The following NPIPB2 variants were observed in gnomAD, a reference collection of about 807,000 sequenced individuals.
The protein encoded by NPIPB2 is nuclear pore complex-interacting protein family member B2.
A neutral mutation model predicts 30.8 loss-of-function variants in NPIPB2; 27 were observed. The ratio of observed to expected loss-of-function variants is 0.88; its 90% CI spans 0.65 to 1.21. NPIPB2 has a LOEUF of 1.21. Among genes scored for constraint, NPIPB2 ranks in the 50% most tolerant of loss-of-function variants. NPIPB2 has a pLI of 0.00. For missense variants in NPIPB2, 440 were observed against 446.2 expected (o/e 0.99, Z 0.13); for synonymous variants, 147 against 162.0 (o/e 0.91, Z 0.70).
intron 1 of NPIPB2, among the ~76,000 whole-genome samples, chr16:11,964,662 G>C: frequency 6.6e-6 from 1 of 152,176 alleles, no homozygotes; most frequent in Non-Finnish European, 1.5e-5. Context: ...TGATCCACCT[G>C]CCTCGGCCTC....
chr16:11,935,290 A>C (rs1298163872), intron 2 of NPIPB2, among the ~76,000 whole-genome samples: 3 of 152,094 alleles, frequency 2.0e-5, no homozygotes, highest in Non-Finnish European at 4.4e-5. Flanking sequence ...TGGGTCAGAT[A>C]CCTATGAATC....
upstream of NPIPB2, among the ~76,000 whole-genome samples, chr16:11,946,659 T>C (rs1483061268): frequency 6.6e-6 from 1 of 152,110 alleles, no homozygotes; most frequent in Non-Finnish European, 1.5e-5. Context: ...GGTGAGGCTA[T>C]GGAGAAACAG....
upstream of NPIPB2, among the ~76,000 whole-genome samples, chr16:11,946,858 T>C (rs2055015758): frequency 6.6e-6 from 1 of 151,832 alleles, no homozygotes; most frequent in African/African-American, 2.4e-5. Flanking sequence ...TAGCTGAGAT[T>C]ACAGGCGCCC....
chr16:11,933,969 A>G (rs758465392), intron 2 of NPIPB2, 45 bp from the exon 3 acceptor site: 1 of 1,446,142 alleles, frequency 6.9e-7, no homozygotes, highest in South Asian at 1.1e-5. Context: ...ACGGTGGTTC[A>G]TGCGTATAAT....
intron 1 of NPIPB2, among the ~76,000 whole-genome samples, chr16:11,960,596 T>A: frequency 6.6e-6 from 1 of 151,866 alleles, no homozygotes. Flanking sequence ...GACCTCAGGT[T>A]ATCCGCCCTC....
intron 4 of NPIPB2, 43 bp downstream of exon 4, chr16:11,933,474 C>T (rs1325133366): frequency 6.3e-7 from 1 of 1,595,842 alleles, no homozygotes; most frequent in Non-Finnish European, 8.5e-7. Flanking sequence ...CTTTGATTGG[C>T]ACATGGTTCA....
chr16:11,967,904 T>C, intron 1 of NPIPB2: 2 of 1,573,906 alleles, frequency 1.3e-6, no homozygotes, highest in Non-Finnish European at 1.7e-6. Flanking sequence ...GAATAGATGA[T>C]GTGTCAGATC....
chr16:11,961,850 A>G (rs147070333), intron 1 of NPIPB2, among the ~76,000 whole-genome samples: 1 of 152,094 alleles, frequency 6.6e-6, no homozygotes, highest in Non-Finnish European at 1.5e-5. Context: ...GATACAAATA[A>G]AATAGGTAGG....
intron 1 of NPIPB2, chr16:11,967,511 C>G: frequency 6.5e-7 from 1 of 1,542,994 alleles, no homozygotes; most frequent in Non-Finnish European, 8.8e-7. Context: ...ACTGCTAAGA[C>G]TCTCATGACC....
intron 1 of NPIPB2, among the ~76,000 whole-genome samples, chr16:11,958,414 C>T (rs533717996): frequency 4.6e-4 from 67 of 145,784 alleles, no homozygotes; most frequent in African/African-American, 1.5e-3. Context: ...GATGACAGAG[C>T]GAGACTCCGT....
At chr16:11,943,414 C>T (rs1236707527), upstream of NPIPB2, among the ~76,000 whole-genome samples, 1 of 150,652 alleles carries the variant, frequency 6.6e-6, no homozygotes, top group Non-Finnish European at 1.5e-5. Context: ...TGTTCCAGCC[C>T]TAGATTTGGC....
intron 1 of NPIPB2, chr16:11,967,611 A>G: frequency 6.2e-7 from 1 of 1,614,134 alleles, no homozygotes; most frequent in Non-Finnish European, 8.5e-7. Context: ...CCTGGAAAAG[A>G]GCAGGACTGG....
At chr16:11,946,489 T>C (rs1170585731), upstream of NPIPB2, among the ~76,000 whole-genome samples, 1 of 151,542 alleles carries the variant, frequency 6.6e-6, no homozygotes, top group East Asian at 1.9e-4. Context: ...GGGGGGATAG[T>C]TTTAGCCCAG....
intron 1 of NPIPB2, chr16:11,967,493 C>T (rs1040261444): frequency 8.5e-6 from 12 of 1,417,580 alleles, no homozygotes; most frequent in South Asian, 2.7e-5. Context: ...CTTTGAGTCC[C>T]GATGTGTACT....
In NPIPB2 at chr16:11,975,210, G is replaced by C. The variant is rs566210757; in HGVS notation, c.-584+1358C>G. On this transcript the variant is annotated intron_variant, in intron 1 of 5. Transcript: ENST00000538896. The stretch of plus-strand genomic sequence containing the variant: ...TCGCCCAGGCTGGAGTGCAGTGGCG[G>C]GATCTCGGCTCACTGCAAGCTCCGC... Among the ~76,000 whole-genome samples the C allele has an allele frequency of 1.8e-3, 185 of 100,476 alleles. 2 individuals carry two copies. The highest frequency in any genetic ancestry group is 0.017 in the Admixed American group (160 of 9,316). 65.9% of individuals were successfully genotyped at this position (100,476 alleles called of 152,430 possible).
intron 2 of NPIPB2, among the ~76,000 whole-genome samples, chr16:11,936,783 T>C: frequency 7.0e-6 from 1 of 143,796 alleles, no homozygotes; most frequent in Non-Finnish European, 1.5e-5. Flanking sequence ...AAAATTACCC[T>C]GCCCAGACAC....
At chr16:11,966,121 A>C in intron 1 of NPIPB2, 2 of 1,429,020 alleles carry the variant, frequency 1.4e-6, no homozygotes, top group South Asian at 1.4e-5. Context: ...AAAATAAATA[A>C]ATAAATAATA....
At chr16:11,947,159 G>T (rs914881233) in intron 1 of NPIPB2, among the ~76,000 whole-genome samples, 1 of 146,024 alleles carries the variant, frequency 6.8e-6, no homozygotes, top group African/African-American at 2.5e-5. Flanking sequence ...TCACTATGAT[G>T]CTCAGGCAGG....
intron 1 of NPIPB2, among the ~76,000 whole-genome samples, chr16:11,974,352 A>C (rs2150947225): frequency 6.6e-6 from 1 of 152,096 alleles, no homozygotes; most frequent in African/African-American, 2.4e-5. Flanking sequence ...ATCTCTACTA[A>C]ACACACAAAA....
Sources: allele counts gnomAD v4.1 joint callset (sites outside exome capture counted in the v4.1 genomes callset), GRCh38; gene constraint gnomAD v4.1.1; transcripts MANE v1.5; gene names NCBI Gene and HGNC (gene_info 2026-07-23, HGNC 2026-07-21).